RAPGEF1: variants seen among roughly 807,000 people sequenced by gnomAD.
RAPGEF1 encodes Rap guanine nucleotide exchange factor 1, also known as CRK SH3-binding GNRP.
Under a neutral mutation model 143.3 loss-of-function variants are expected in RAPGEF1, and 33 were observed. The ratio of observed to expected loss-of-function variants is 0.23; its 90% confidence interval spans 0.17 to 0.31. The LOEUF (loss-of-function observed/expected upper bound fraction) is 0.31, where lower values mean the gene tolerates loss of function less well. RAPGEF1 is among the 10% of genes least tolerant of loss of function. The probability of loss-of-function intolerance (pLI) is 1.00; values close to 1 mark genes in which losing one functional copy is unlikely to be tolerated. For synonymous variants in RAPGEF1, 629 were observed against 676.5 expected (o/e 0.93, Z 1.09); for missense variants, 1,199 against 1,645.4 (o/e 0.73, Z 4.69).
intron 1 of RAPGEF1, among the ~76,000 whole-genome samples, chr9:131,684,879 G>A (rs371159234): frequency 1.3e-5 from 2 of 152,190 alleles, no homozygotes; most frequent in African/African-American, 2.4e-5. Flanking sequence ...CAGCCATGTC[G>A]AGACTGATGC....
chr9:131,610,981 C>T (rs1011388015), intron 12 of RAPGEF1, among the ~76,000 whole-genome samples: 5 of 152,226 alleles, frequency 3.3e-5, no homozygotes. Flanking sequence ...TCTTCTCTTT[C>T]CTTACGGTCC....
At chr9:131,704,184 T>C (rs955229152) in intron 1 of RAPGEF1, among the ~76,000 whole-genome samples, 4 of 151,464 alleles carry the variant, frequency 2.6e-5, no homozygotes, top group African/African-American at 9.7e-5. Flanking sequence ...ACTGAGCCGG[T>C]GGTTATTGCA....
chr9:131,586,487 A>AACAC lies in RAPGEF1; in HGVS notation c.3233+1245_3233+1248dup, dbSNP rs543763559. Among the ~76,000 whole-genome samples the AACAC allele has an allele frequency of 4.9e-4, 14 of 28,650 alleles. 5 individuals are homozygous for AACAC. Among genetic ancestry groups the AACAC allele is most frequent in the South Asian group, 2.8e-3 (2 of 702 alleles). The allele number at this position is 28,650 out of a possible 152,430, so 18.8% of individuals were successfully genotyped here. A position where few individuals can be genotyped will look rare whatever the true frequency, so the allele number is the denominator to read the frequency against. On this transcript the variant is annotated intron_variant, in intron 22 of 26. Transcript: ENST00000683357. ...ACCTGCAGAGCGAGACTCCGTCTCA[A>AACAC]ACACACACACACACACCTGCAGAGC...
At chr9:131,717,598 C>T (rs1835949522) in intron 1 of RAPGEF1, among the ~76,000 whole-genome samples, 1 of 151,958 alleles carries the variant, frequency 6.6e-6, no homozygotes, top group South Asian at 2.1e-4. Context: ...CAACATGGTC[C>T]CTGTCTCTAT....
chr9:131,709,278 G>A (rs541063231), intron 1 of RAPGEF1, among the ~76,000 whole-genome samples: 15 of 152,138 alleles, frequency 9.9e-5, no homozygotes, highest in Non-Finnish European at 2.2e-4. Flanking sequence ...CCTGGGAGGC[G>A]GAGGTTGCAG....
chr9:131,588,061 G>A (rs756277722), intron 20 of RAPGEF1, 35 bp from the exon 21 acceptor site: 3 of 1,570,876 alleles, frequency 1.9e-6, no homozygotes, highest in East Asian at 2.3e-5. Flanking sequence ...GCCGTCAGGG[G>A]TGGGGAGGCC....
rs775447861 is a variant in RAPGEF1 at position 131,596,347 on chromosome 9, T to G, written c.2640A>C (p.Gly880=). 12 of 1,613,648 alleles carry G rather than the reference T, an allele frequency of 7.4e-6. No individual in the cohort carries two copies. The Admixed American group carries it at 1.0e-4, about 13-fold the overall frequency. ...QEGDDGPDVR[G]GSGDILLVHA... ...GGACCAGTAAGATGTCCCCAGATCC[T>G]CCGCGGACGTCCGGCCCGTCATCAC... The change falls in exon 17 of 27, where the codon GGA becomes GGC. Residue 880 remains glycine (G), a synonymous_variant. Coordinates refer to ENST00000683357, the MANE Select transcript of RAPGEF1 (RefSeq NM_001377935.1).
At chr9:131,708,729 T>TTTTCTTTC (rs71501266) in intron 1 of RAPGEF1, among the ~76,000 whole-genome samples, 19,835 of 150,470 alleles carry the variant, frequency 0.13, 1,987 homozygotes, top group African/African-American at 0.27. Flanking sequence ...GGATATTTCT[T>TTTTCTTTC]TTTCTTTCTT....
intron 14 of RAPGEF1, among the ~76,000 whole-genome samples, chr9:131,602,636 T>A (rs1490847551): frequency 1.3e-5 from 2 of 152,240 alleles, no homozygotes; most frequent in Admixed American, 1.3e-4. Flanking sequence ...CTGCAAAGCC[T>A]GTGCCCTTAA....
At chr9:131,606,798 A>AT (rs933232391) in intron 12 of RAPGEF1, among the ~76,000 whole-genome samples, 4 of 151,870 alleles carry the variant, frequency 2.6e-5, no homozygotes, top group Admixed American at 6.6e-5. Context: ...TCACTTTTTG[A>AT]TTTTTTTGTA....
In RAPGEF1 at chr9:131,711,006, CG is replaced by C. The variant is rs1336273822; in HGVS notation, c.61+28763del. 4.6e-5 allele frequency among the ~76,000 whole-genome samples: 7 copies of C among 152,110 alleles called. No individual in the cohort carries two copies. The East Asian group carries it at 1.2e-3, about 25-fold the overall frequency. On this transcript the variant is annotated intron_variant, in intron 1 of 26. Coordinates refer to ENST00000683357, the MANE Select transcript of RAPGEF1 (RefSeq NM_001377935.1). Reference sequence around the variant, plus strand: ...AACAAAAGAGAACATTTGTGAAGTACGTAGCATGCTGCCTGACACTCAGGAG... The same window carrying C: ...AACAAAAGAGAACATTTGTGAAGTACTAGCATGCTGCCTGACACTCAGGAG...
At chr9:131,620,742 G>C (rs1328217469) in intron 11 of RAPGEF1, among the ~76,000 whole-genome samples, 1 of 152,178 alleles carries the variant, frequency 6.6e-6, no homozygotes, top group Non-Finnish European at 1.5e-5. Flanking sequence ...AGTATAGGAA[G>C]GCTCAGGAAC....
chr9:131,686,388 G>T (rs186003429), intron 1 of RAPGEF1, among the ~76,000 whole-genome samples: 1 of 152,162 alleles, frequency 6.6e-6, no homozygotes, highest in Non-Finnish European at 1.5e-5. Flanking sequence ...GTGGGTCTCC[G>T]ACAAGGATTC....
chr9:131,698,735 G>T (rs1834388193), intron 1 of RAPGEF1, among the ~76,000 whole-genome samples: 1 of 152,198 alleles, frequency 6.6e-6, no homozygotes, highest in Admixed American at 6.5e-5. Flanking sequence ...TCCCCGACCA[G>T]GTGAGCAACC....
intron 1 of RAPGEF1, among the ~76,000 whole-genome samples, chr9:131,658,094 T>C (rs967841303): frequency 1.4e-4 from 21 of 152,148 alleles, no homozygotes; most frequent in African/African-American, 4.8e-4. Context: ...TAATAAACAA[T>C]GCTGCTCATA....
chr9:131,619,416 C>T (rs1230242680), intron 11 of RAPGEF1, among the ~76,000 whole-genome samples: 1 of 152,208 alleles, frequency 6.6e-6, no homozygotes, highest in Non-Finnish European at 1.5e-5. Context: ...CATTTCCTTA[C>T]ACTAGATCCT....
intron 5 of RAPGEF1, among the ~76,000 whole-genome samples, chr9:131,632,110 G>A (rs1188648615): frequency 2.6e-5 from 4 of 151,968 alleles, no homozygotes; most frequent in Non-Finnish European, 4.4e-5. Flanking sequence ...CCAGGTGAGA[G>A]AGGTGAGAGA....
intron 3 of RAPGEF1, among the ~76,000 whole-genome samples, chr9:131,644,958 G>A (rs1969142263): frequency 6.6e-6 from 1 of 152,140 alleles, no homozygotes; most frequent in Non-Finnish European, 1.5e-5. Flanking sequence ...TTCTTTCATT[G>A]AGTCTTTCCC....
intron 1 of RAPGEF1, among the ~76,000 whole-genome samples, chr9:131,668,656 G>A (rs542913209): frequency 9.2e-5 from 14 of 152,264 alleles, no homozygotes; most frequent in Admixed American, 9.2e-4. Flanking sequence ...CCTACTCCCA[G>A]GGAAGCGTTT....
Sources: gnomAD v4.1 joint callset for allele counts (sites outside exome capture counted in the v4.1 genomes callset) on GRCh38, gnomAD v4.1.1 for gene constraint, MANE v1.5 for transcripts, NCBI Gene and HGNC (gene_info 2026-07-23, HGNC 2026-07-21) for gene names.